Variants in TCP11 observed in about 807,000 individuals in gnomAD.
The protein encoded by TCP11 is t-complex 11.
In TCP11, 34 loss-of-function variants were observed where a neutral mutation model predicts 45.0. That is an observed-to-expected ratio of 0.76 (90% confidence interval 0.57 to 1.01). The LOEUF (loss-of-function observed/expected upper bound fraction) is 1.01. TCP11 is among the 50% of genes least tolerant of loss of function. TCP11 has a pLI of 0.00. For synonymous variants in TCP11, 227 were observed against 227.0 expected, an observed-to-expected ratio of 1.00 and a Z score of 0.00; for missense variants, 523 against 598.1, an observed-to-expected ratio of 0.87 and a Z score of 1.31.
At chr6:35,121,723 G>A (rs1779271817) in intron 5 of TCP11, among the ~76,000 whole-genome samples, 1 of 151,576 alleles carries the variant, frequency 6.6e-6, no homozygotes, top group Non-Finnish European at 1.5e-5. Context: ...TGAGGCAGGA[G>A]AATCGCTTGA....
chr6:35,140,296 T>C, intron 2 of TCP11: 3 of 1,217,742 alleles, frequency 2.5e-6, no homozygotes, highest in South Asian at 1.3e-5. Context: ...GAGAAGACCT[T>C]GTGCCCCAAC....
Position 35,122,258 on chromosome 6 carries a change from T to C in TCP11, c.437A>G (p.Lys146Arg), listed in dbSNP as rs767553081. The C allele has an allele frequency of 1.2e-6, 2 of 1,614,070 alleles. No homozygotes were observed. The highest frequency in any genetic ancestry group is 1.1e-5 in the South Asian group (1 of 91,082). The stretch of plus-strand genomic sequence containing the variant: ...CAGGGCCCCATGTTCTGCCTCCTGC[T>C]TGAGCAAGTCCATGTCCAGAGCTTC... ...IEEALDMDLL[K>R]QEAEHGALKV... The change falls in exon 5 of 10, where the codon AAG becomes AGG. Residue 146 changes from lysine (K) to arginine (R), a missense_variant. Around this residue, in one of 2 missense-constraint regions of TCP11, gnomAD observed 225 missense variants for 210.2 expected, o/e 1.07. Transcript: ENST00000311875.
chr6:35,131,050 ATTAC>A (rs1780371100), intron 3 of TCP11, among the ~76,000 whole-genome samples: 1 of 152,240 alleles, frequency 6.6e-6, no homozygotes, highest in Admixed American at 6.5e-5. Flanking sequence ...AGGCAGGTGG[ATTAC>A]TTGAGGTCAG....
chr6:35,130,566 A>T (rs186109296), intron 3 of TCP11, among the ~76,000 whole-genome samples: 2 of 152,272 alleles, frequency 1.3e-5, no homozygotes, highest in African/African-American at 4.8e-5. Context: ...CTCACCAAAG[A>T]GGATGTTCAG....
In TCP11 at chr6:35,118,269, TCAAA is replaced by T. The variant is rs765845352; in HGVS notation, c.1508_1511del (p.Val503AspfsTer22). ...GTACCAGGGCTCTGAGCCGACGCTA[TCAAA>T]CAGACTCCACTTTTGTTTCCAGTGC... On this transcript the variant is annotated frameshift_variant and stop_lost, in exon 10 of 10. Transcript: ENST00000311875. LOFTEE classifies it high-confidence loss of function. 6 of 1,613,898 alleles carry T rather than the reference TCAAA, an allele frequency of 3.7e-6. 1 individual carries two copies. The South Asian group carries it at 6.6e-5, about 18-fold the overall frequency.
Position 35,140,895 on chromosome 6 carries a change from G to A in TCP11, c.-14-11C>T. 1 of 1,555,354 alleles carries A rather than the reference G, an allele frequency of 6.4e-7. No homozygotes were observed. On this transcript the variant is annotated splice_polypyrimidine_tract_variant and intron_variant, in intron 1 of 9. Transcript: ENST00000311875. ...TTTTGCTGATGGTATCTGGGTGAGG[G>A]AGAAAGGCGTGTTGTTGGCGTCGGG... is the stretch of plus-strand genomic sequence containing the variant.
intron 9 of TCP11, among the ~76,000 whole-genome samples, chr6:35,118,747 G>C (rs1581792925): frequency 6.6e-6 from 1 of 152,212 alleles, no homozygotes; most frequent in Non-Finnish European, 1.5e-5. Context: ...GTAGCCATCA[G>C]TTAGATCCTA....
At chr6:35,124,358 C>G (rs1535815) in intron 4 of TCP11, among the ~76,000 whole-genome samples, 55,386 of 152,068 alleles carry the variant, frequency 0.36, 12,688 homozygotes, top group Middle Eastern at 0.49. Context: ...TACAGAATGT[C>G]TTGCAAGCAC....
rs968560360 is a variant in TCP11 at position 35,120,707 on chromosome 6, C to T, written c.716-61G>A. 1 of 1,522,114 alleles carries T rather than the reference C, an allele frequency of 6.6e-7. No homozygotes were observed. Among genetic ancestry groups the T allele is most frequent in the Non-Finnish European group, 8.9e-7 (1 of 1,119,214 alleles). 94.3% of individuals were successfully genotyped at this position (1,522,114 alleles called of 1,614,324 possible). A position where few individuals can be genotyped will look rare whatever the true frequency, so the allele number is the denominator to read the frequency against. On this transcript the variant is annotated intron_variant, in intron 6 of 9. Coordinates refer to ENST00000311875, the MANE Select transcript of TCP11 (RefSeq NM_001370687.1). The surrounding 1 kb of genome is among the most constrained non-coding windows in gnomAD (Gnocchi z 4.9). ...CATCTTCATCTCTGAGGCTTCAAGA[C>T]CAAGGTTCTTTTCAAGTATACTCCT...
At chr6:35,131,891 C>G (rs572130982) in intron 3 of TCP11, among the ~76,000 whole-genome samples, 4 of 152,144 alleles carry the variant, frequency 2.6e-5, no homozygotes, top group Non-Finnish European at 4.4e-5. Flanking sequence ...GATGAACCAC[C>G]GTGCCTGGCC....
intron 1 of TCP11, 146 bp from the exon 2 acceptor site, chr6:35,141,030 A>C (rs1468467287): frequency 8.1e-7 from 1 of 1,241,592 alleles, no homozygotes; most frequent in Non-Finnish European, 1.0e-6. Context: ...AGGAGCGTGG[A>C]GGAGCGGAAG....
At chr6:35,137,471 C>A (rs561859908) in intron 2 of TCP11, among the ~76,000 whole-genome samples, 58 of 146,252 alleles carry the variant, frequency 4.0e-4, no homozygotes, top group African/African-American at 1.2e-3. Context: ...CTGAAAAAAA[C>A]CAGAAAGGAA....
At position 35,119,397 on chromosome 6, in the gene TCP11, C is replaced by T. The variant is rs778969104; in HGVS notation, c.1116-6G>A. 122 of 1,613,138 alleles carry T rather than the reference C, an allele frequency of 7.6e-5. No individual in the cohort carries two copies. The highest frequency in any genetic ancestry group is 1.0e-4 in the Non-Finnish European group (120 of 1,179,534). Reference sequence around the variant, plus strand: ...TCAGTATAGCTTCCTCAGGCCTAGACCATGAAAGAAAGTAAGCTGGCACCC... The same window carrying T: ...TCAGTATAGCTTCCTCAGGCCTAGATCATGAAAGAAAGTAAGCTGGCACCC... On this transcript the variant is annotated splice_polypyrimidine_tract_variant and splice_region_variant and intron_variant, in intron 8 of 9. Coordinates refer to ENST00000311875, the MANE Select transcript of TCP11 (RefSeq NM_001370687.1).
At chr6:35,141,153 C>T (rs1017489386) in intron 1 of TCP11, 52 bp downstream of exon 1, 1 of 1,322,806 alleles carries the variant, frequency 7.6e-7, no homozygotes, top group South Asian at 2.0e-5. Flanking sequence ...GCGAGGTGCC[C>T]CCCTCGCCCG....
chr6:35,135,968 T>A, intron 3 of TCP11, 139 bp downstream of exon 3: 1 of 544,708 alleles, frequency 1.8e-6, no homozygotes, highest in East Asian at 3.0e-5. Context: ...AGTACTCTTC[T>A]GTTTAAGTTG....
At chr6:35,126,027 A>C (rs1337408493) in intron 4 of TCP11, among the ~76,000 whole-genome samples, 1 of 152,194 alleles carries the variant, frequency 6.6e-6, no homozygotes, top group Admixed American at 6.5e-5. Context: ...ATGAGTACAA[A>C]ATTTCTGTTA....
chr6:35,140,206 T>C (rs985790310), intron 2 of TCP11: 2 of 1,533,030 alleles, frequency 1.3e-6, no homozygotes, highest in Middle Eastern at 1.7e-4. Flanking sequence ...GCTCCTCAGT[T>C]TGATGACTAG....
chr6:35,138,334 C>G (rs1781340389), intron 2 of TCP11, among the ~76,000 whole-genome samples: 1 of 152,170 alleles, frequency 6.6e-6, no homozygotes, highest in African/African-American at 2.4e-5. Context: ...TTGGAAGCAA[C>G]CTGTGTCCAT....
intron 5 of TCP11, 55 bp from the exon 6 acceptor site, chr6:35,121,100 G>A (rs1031342781): frequency 6.6e-7 from 1 of 1,519,272 alleles, no homozygotes; most frequent in Non-Finnish European, 8.9e-7. Flanking sequence ...CCCACCCAAG[G>A]AGTCATTAAA....
Sources: gnomAD v4.1 joint callset for allele counts (sites outside exome capture counted in the v4.1 genomes callset) on GRCh38, gnomAD v4.1.1 for gene constraint, gnomAD v4.1.1 regional missense constraint, Gnocchi (gnomAD v3.1) non-coding constraint, MANE v1.5 for transcripts, NCBI Gene and HGNC (gene_info 2026-07-23, HGNC 2026-07-21) for gene names.